The following SKAP2 variants were observed in gnomAD, a reference collection of about 807,000 sequenced individuals.
The protein encoded by SKAP2 is src kinase associated phosphoprotein 2.
SKAP2 carries 28 observed loss-of-function variants against 54.9 expected under a neutral mutation model. The observed-to-expected ratio is 0.51, with a 90% confidence interval of 0.38 to 0.70. The LOEUF (loss-of-function observed/expected upper bound fraction) is 0.70, where lower values mean the gene tolerates loss of function less well. SKAP2 is among the 30% of genes least tolerant of loss of function. The probability of loss-of-function intolerance (pLI) is 0.00; values close to 1 mark genes in which losing one functional copy is unlikely to be tolerated. For missense variants in SKAP2, 356 were observed against 424.1 expected (o/e 0.84, Z 1.41); for synonymous variants, 137 against 134.3 (o/e 1.02, Z -0.14).
At position 26,668,658 on chromosome 7, in the gene SKAP2, T is replaced by C. The variant is rs1248678740; in HGVS notation, c.*1008A>G. 7.1e-6 allele frequency: 1 copy of C among 139,970 alleles called. No individual in the cohort carries two copies. The highest frequency in any genetic ancestry group is 2.6e-5 in the African/African-American group (1 of 38,280). 8.7% of individuals were successfully genotyped at this position (139,970 alleles called of 1,614,324 possible). On this transcript the variant is annotated 3_prime_UTR_variant, in exon 13 of 13. Transcript: ENST00000345317. ...TTTTTACTTTGAGAATACACTGAGA[T>C]TCTGTTTTTTTTTTTTTTTTTTTCT... is the stretch of plus-strand genomic sequence containing the variant.
intron 11 of SKAP2, among the ~76,000 whole-genome samples, chr7:26,670,959 T>C (rs1005834370): frequency 6.6e-6 from 1 of 152,052 alleles, no homozygotes; most frequent in African/African-American, 2.4e-5. Context: ...AAAATATTAA[T>C]CTACCTCTAA....
chr7:26,786,353 G>C (rs1783544641), intron 4 of SKAP2, among the ~76,000 whole-genome samples: 1 of 152,202 alleles, frequency 6.6e-6, no homozygotes, highest in African/African-American at 2.4e-5. Context: ...CTAGTGAGGA[G>C]AAACAAGTAA....
chr7:26,787,768 T>G (rs1209766980), intron 4 of SKAP2, among the ~76,000 whole-genome samples: 1 of 152,176 alleles, frequency 6.6e-6, no homozygotes, highest in Non-Finnish European at 1.5e-5. Context: ...CGCATACTAT[T>G]GCAGGGACAG....
At position 26,788,327 on chromosome 7, in the gene SKAP2, C is replaced by T. The variant is rs193172203; in HGVS notation, c.308-48363G>A. Among the ~76,000 whole-genome samples the T allele has an allele frequency of 2.0e-5, 3 of 150,732 alleles. No homozygotes were observed. In the East Asian group the frequency reaches 5.9e-4, roughly 29 times the overall value. On this transcript the variant is annotated intron_variant, in intron 4 of 12. Transcript: ENST00000345317. Reference sequence around the variant, plus strand: ...TGTGCCACTGGCTGTGATCTTAAGCCAAAGAACCTTTCTATCCCTTCATCT... The same window carrying T: ...TGTGCCACTGGCTGTGATCTTAAGCTAAAGAACCTTTCTATCCCTTCATCT...
intron 4 of SKAP2, among the ~76,000 whole-genome samples, chr7:26,756,194 T>C (rs1306753560): frequency 6.6e-6 from 1 of 152,242 alleles, no homozygotes; most frequent in Admixed American, 6.5e-5. Context: ...ATTTTTTTTA[T>C]TATACTTTAA....
At chr7:26,664,410 A>ACCCTT (rs1474194085), downstream of SKAP2, among the ~76,000 whole-genome samples, 4 of 152,184 alleles carry the variant, frequency 2.6e-5, no homozygotes, top group Non-Finnish European at 5.9e-5. Context: ...GGTTTTCTAA[A>ACCCTT]TAGACTCCCA....
At chr7:26,841,199 A>G (rs1784810227) in intron 4 of SKAP2, among the ~76,000 whole-genome samples, 1 of 152,066 alleles carries the variant, frequency 6.6e-6, no homozygotes, top group Admixed American at 6.6e-5. Flanking sequence ...TCTCTCATTG[A>G]AATTCCATTA....
At chr7:26,684,489 G>T (rs540716574) in intron 11 of SKAP2, among the ~76,000 whole-genome samples, 1 of 152,276 alleles carries the variant, frequency 6.6e-6, no homozygotes, top group Non-Finnish European at 1.5e-5. Flanking sequence ...GGCAGTAGGT[G>T]GATGTCAGCC....
chr7:26,738,970 C>T (rs1782369734), intron 5 of SKAP2, 92 bp from the exon 6 acceptor site: 9 of 769,560 alleles, frequency 1.2e-5, no homozygotes, highest in Non-Finnish European at 1.8e-5. Context: ...TGAGCTCTAA[C>T]ATTGTGTGAC....
chr7:26,725,754 T>C lies in SKAP2; in HGVS notation c.658+169A>G, dbSNP rs554675310. On this transcript the variant is annotated intron_variant, in intron 8 of 12. Transcript: ENST00000345317. Reference sequence around the variant, plus strand: ...TTTAAAGTAAGCCAATTGGTACTTATAGAAAAGATGCTGTTTAAAATCTGA... The same window carrying C: ...TTTAAAGTAAGCCAATTGGTACTTACAGAAAAGATGCTGTTTAAAATCTGA... Among the ~76,000 whole-genome samples, 329 of 152,308 alleles carry C rather than the reference T, an allele frequency of 2.2e-3. 1 individual carries two copies. The highest frequency in any genetic ancestry group is 0.02 in the South Asian group (97 of 4,830).
intron 4 of SKAP2, among the ~76,000 whole-genome samples, chr7:26,748,246 C>G (rs1782601627): frequency 6.6e-6 from 1 of 152,076 alleles, no homozygotes; most frequent in Non-Finnish European, 1.5e-5. Flanking sequence ...CACTAGTTAT[C>G]ACATTGTTAA....
At chr7:26,753,933 T>C (rs1782735824) in intron 4 of SKAP2, among the ~76,000 whole-genome samples, 1 of 152,122 alleles carries the variant, frequency 6.6e-6, no homozygotes, top group African/African-American at 2.4e-5. Flanking sequence ...AATATCTACT[T>C]TCACAATTAC....
intron 4 of SKAP2, among the ~76,000 whole-genome samples, chr7:26,752,778 A>C (rs1339000665): frequency 1.3e-5 from 2 of 152,314 alleles, no homozygotes; most frequent in East Asian, 3.9e-4. Flanking sequence ...ACCTGGATGA[A>C]GATCATCTTA....
Position 26,692,076 on chromosome 7 carries a change from T to C in SKAP2, c.797-1714A>G, listed in dbSNP as rs183101875. On this transcript the variant is annotated intron_variant, in intron 9 of 12. Transcript: ENST00000345317. ...AAAAAAGGGGCGGGAGAGAGACTAC[T>C]GTGGATAAAGGGGAAGGAAGTCCTG... is the stretch of plus-strand genomic sequence containing the variant. 2.1e-3 allele frequency among the ~76,000 whole-genome samples: 321 copies of C among 152,104 alleles called. 1 individual carries two copies. The highest frequency in any genetic ancestry group is 0.01 in the Middle Eastern group (3 of 294).
chr7:26,842,024 C>A lies in SKAP2; in HGVS notation c.307+2006G>T, dbSNP rs1245685826. On this transcript the variant is annotated intron_variant, in intron 4 of 12. Transcript: ENST00000345317. ...AAAGGAAAGAGAACACACACAAAAT[C>A]TAAGTTGAAGAGAGAAAAACTGATA... 4.6e-5 allele frequency among the ~76,000 whole-genome samples: 7 copies of A among 151,612 alleles called. No individual in the cohort carries two copies. The East Asian group carries it at 1.4e-3, about 29-fold the overall frequency.
chr7:26,697,249 G>A (rs1307174113), intron 9 of SKAP2, among the ~76,000 whole-genome samples: 1 of 152,146 alleles, frequency 6.6e-6, no homozygotes, highest in Non-Finnish European at 1.5e-5. Flanking sequence ...TGCTGCTCGA[G>A]AAGCACTCCT....
intron 4 of SKAP2, among the ~76,000 whole-genome samples, chr7:26,825,129 C>T (rs1447805048): frequency 6.6e-6 from 1 of 152,108 alleles, no homozygotes; most frequent in Non-Finnish European, 1.5e-5. Flanking sequence ...ATCAGTTTTC[C>T]TTCTTTGCAT....
chr7:26,727,450 CAA>C (rs1787732638), intron 6 of SKAP2, among the ~76,000 whole-genome samples: 1 of 151,810 alleles, frequency 6.6e-6, no homozygotes, highest in South Asian at 2.1e-4. Flanking sequence ...GCTTCTAAAA[CAA>C]AAGTTTTCTT....
chr7:26,662,140 A>G (rs1786023664), downstream of SKAP2, among the ~76,000 whole-genome samples: 1 of 152,074 alleles, frequency 6.6e-6, no homozygotes, highest in Non-Finnish European at 1.5e-5. Flanking sequence ...GGGTAGGGTC[A>G]CTCTCAGCTT....
Sources: gnomAD v4.1 joint callset for allele counts (sites outside exome capture counted in the v4.1 genomes callset) on GRCh38, gnomAD v4.1.1 for gene constraint, MANE v1.5 for transcripts, NCBI Gene and HGNC (gene_info 2026-07-23, HGNC 2026-07-21) for gene names.